The following PTPRD variants were observed in gnomAD, a reference collection of about 807,000 sequenced individuals.
The protein encoded by PTPRD is protein tyrosine phosphatase receptor type D.
Under a neutral mutation model 214.5 loss-of-function variants are expected in PTPRD, and 34 were observed. The ratio of observed to expected loss-of-function variants is 0.16; its 90% CI spans 0.12 to 0.21. PTPRD has a LOEUF of 0.21. Ranked by LOEUF, PTPRD falls within the 10% of genes least tolerant of loss-of-function variation. PTPRD has a pLI of 1.00. For synonymous variants in PTPRD, 1,128 were observed against 845.7 expected, an observed-to-expected ratio of 1.33 and a Z score of -5.79; for missense variants, 2,545 against 2,398.7, an observed-to-expected ratio of 1.06 and a Z score of -1.27.
intron 35 of PTPRD, among the ~76,000 whole-genome samples, chr9:8,431,061 C>A (rs2095016617): frequency 6.6e-6 from 1 of 152,160 alleles, no homozygotes; most frequent in Non-Finnish European, 1.5e-5. Flanking sequence ...AGCTCACAAG[C>A]CTCCTTACAC....
intron 3 of PTPRD, among the ~76,000 whole-genome samples, chr9:10,167,762 C>A (rs1174264837): frequency 6.6e-6 from 1 of 151,984 alleles, no homozygotes; most frequent in African/African-American, 2.4e-5. Context: ...AGAGTTGATA[C>A]TGTGTGATAG....
chr9:9,569,732 C>G (rs182629975), intron 8 of PTPRD, among the ~76,000 whole-genome samples: 46 of 151,588 alleles, frequency 3.0e-4, no homozygotes, highest in Non-Finnish European at 6.1e-4. Flanking sequence ...TTACTTGTTC[C>G]TGACATGTCG....
intron 2 of PTPRD, among the ~76,000 whole-genome samples, chr9:10,415,447 G>A (rs1019973016): frequency 2.6e-5 from 4 of 151,834 alleles, no homozygotes; most frequent in African/African-American, 7.2e-5. Context: ...CATTAGAATG[G>A]TTATCATTTT....
At chr9:8,338,822 A>ACAGT (rs1849488017) in intron 43 of PTPRD, 100 bp downstream of exon 43, 2 of 1,027,250 alleles carry the variant, frequency 1.9e-6, no homozygotes, top group Admixed American at 2.6e-5. Flanking sequence ...CTTTGGGACA[A>ACAGT]CAGTCAAGTG....
intron 6 of PTPRD, among the ~76,000 whole-genome samples, chr9:9,746,653 G>C (rs976941195): frequency 1.1e-4 from 16 of 152,128 alleles, no homozygotes; most frequent in Non-Finnish European, 2.1e-4. Flanking sequence ...AGTTGGATGA[G>C]AAGTGAAATA....
intron 35 of PTPRD, among the ~76,000 whole-genome samples, chr9:8,411,234 C>T (rs1244129909): frequency 6.6e-6 from 1 of 151,922 alleles, no homozygotes. Flanking sequence ...GAACATACAA[C>T]TTTAAGATTA....
intron 4 of PTPRD, among the ~76,000 whole-genome samples, chr9:9,986,663 A>C (rs1327552576): frequency 6.6e-6 from 1 of 152,146 alleles, no homozygotes; most frequent in Non-Finnish European, 1.5e-5. Context: ...ACAAAAGACA[A>C]ATTTATGTTA....
chr9:9,514,834 C>T (rs2154248977), intron 8 of PTPRD, among the ~76,000 whole-genome samples: 1 of 152,174 alleles, frequency 6.6e-6, no homozygotes, highest in East Asian at 1.9e-4. Flanking sequence ...AATAAGCCTA[C>T]TCTGGAAATA....
chr9:8,434,606 A>C (rs2095264916), intron 35 of PTPRD, among the ~76,000 whole-genome samples: 1 of 152,210 alleles, frequency 6.6e-6, no homozygotes, highest in African/African-American at 2.4e-5. Context: ...ATATTTCCGT[A>C]ATTTGTAACC....
chr9:9,838,671 T>C (rs2057496004), intron 5 of PTPRD, among the ~76,000 whole-genome samples: 1 of 151,952 alleles, frequency 6.6e-6, no homozygotes, highest in Admixed American at 6.6e-5. Context: ...ATTAGCCCTT[T>C]GTCAGATGAG....
chr9:8,325,924 C>G (rs1432038762), intron 44 of PTPRD, among the ~76,000 whole-genome samples: 1 of 152,084 alleles, frequency 6.6e-6, no homozygotes, highest in Non-Finnish European at 1.5e-5. Context: ...GATTTTGTAT[C>G]CTGAGACTTT....
intron 2 of PTPRD, among the ~76,000 whole-genome samples, chr9:10,431,305 A>C (rs1216941662): frequency 2.0e-5 from 3 of 152,044 alleles, no homozygotes; most frequent in Non-Finnish European, 2.9e-5. Flanking sequence ...TAAAGACTTA[A>C]ACGTTAGACC....
At chr9:8,753,574 A>G (rs1365144585) in intron 11 of PTPRD, among the ~76,000 whole-genome samples, 1 of 137,822 alleles carries the variant, frequency 7.3e-6, no homozygotes, top group Non-Finnish European at 1.5e-5. Context: ...ACTAGTTACT[A>G]GAATGTGTGA....
At chr9:10,103,929 G>T (rs1458660920) in intron 3 of PTPRD, among the ~76,000 whole-genome samples, 2 of 151,606 alleles carry the variant, frequency 1.3e-5, no homozygotes, top group African/African-American at 4.8e-5. Flanking sequence ...TGGATGAATG[G>T]ATAAACAAAA....
At chr9:8,858,017 T>A (rs2097977600) in intron 11 of PTPRD, 1 of 143,744 alleles carries the variant, frequency 7.0e-6, no homozygotes, top group South Asian at 2.0e-4. Flanking sequence ...CGCGGCGGTT[T>A]CTCCTCCTCC....
At chr9:8,644,870 T>C (rs997790010) in intron 12 of PTPRD, among the ~76,000 whole-genome samples, 1 of 152,186 alleles carries the variant, frequency 6.6e-6, no homozygotes, top group African/African-American at 2.4e-5. Context: ...GCCGGTAGTG[T>C]GAGCTGAGTG....
In PTPRD at chr9:9,537,075, T is replaced by C. The variant is rs569523073; in HGVS notation, c.-237+37657A>G. Among the ~76,000 whole-genome samples the C allele has an allele frequency of 5.3e-5, 8 of 151,988 alleles. 1 individual carries two copies. The South Asian group carries it at 1.4e-3, about 28-fold the overall frequency. On this transcript the variant is annotated intron_variant, in intron 8 of 45. Coordinates refer to ENST00000381196, the MANE Select transcript of PTPRD (RefSeq NM_002839.4). ...CTCAATACCACTGCTTTTCCAGGAA[T>C]GCTACTCACACACAGCATATAAGGC...
chr9:10,590,006 C>T (rs982310172), intron 2 of PTPRD, among the ~76,000 whole-genome samples: 4 of 151,878 alleles, frequency 2.6e-5, no homozygotes, highest in Non-Finnish European at 5.9e-5. Context: ...GAAAGAAGTA[C>T]AAAACTAATT....
At chr9:8,495,176 T>C (rs1359501210) in intron 26 of PTPRD, among the ~76,000 whole-genome samples, 1 of 152,202 alleles carries the variant, frequency 6.6e-6, no homozygotes, top group Non-Finnish European at 1.5e-5. Context: ...TTCCTGTGAC[T>C]ACCCAGTGTT....
Sources: gnomAD v4.1 joint callset for allele counts (sites outside exome capture counted in the v4.1 genomes callset) on GRCh38, gnomAD v4.1.1 for gene constraint, MANE v1.5 for transcripts, NCBI Gene and HGNC (gene_info 2026-07-23, HGNC 2026-07-21) for gene names.